Variants in GPHN observed in about 807,000 individuals in gnomAD.
GPHN encodes gephyrin.
In GPHN, 17 loss-of-function variants were observed where a neutral mutation model predicts 95.5. That is an observed-to-expected ratio of 0.18 (90% confidence interval 0.12 to 0.27). The LOEUF (loss-of-function observed/expected upper bound fraction) is 0.27, where lower values mean the gene tolerates loss of function less well. GPHN is among the 10% of genes least tolerant of loss of function. The pLI, the probability that GPHN is intolerant of heterozygous loss-of-function variation, is 1.00. For synonymous variants in GPHN, 320 were observed against 322.5 expected (o/e 0.99, Z 0.08); for missense variants, 660 against 978.1 (o/e 0.67, Z 4.34).
At chr14:67,602,393 G>T in the GPHN span, among the ~76,000 whole-genome samples, 1 of 152,196 alleles carries the variant, frequency 6.6e-6, no homozygotes, top group African/African-American at 2.4e-5. Flanking sequence ...TTTGACATGA[G>T]ATTTGGGTAG....
At chr14:67,159,392 G>T in intron 18 of GPHN, 23 bp from the exon 19 acceptor site, 1 of 1,367,394 alleles carries the variant, frequency 7.3e-7, no homozygotes, top group Non-Finnish European at 1.0e-6. Context: ...TGAAAGTAAA[G>T]TGATTATTTT....
chr14:67,238,269 C>CTTTTTTT, the GPHN span, among the ~76,000 whole-genome samples: 61 of 125,226 alleles, frequency 4.9e-4, 1 homozygote, highest in African/African-American at 1.6e-3. Flanking sequence ...TTCTTGCTTT[C>CTTTTTTT]TTTTTTTTTT....
the GPHN span, among the ~76,000 whole-genome samples, chr14:67,396,795 G>A: frequency 6.6e-6 from 1 of 152,238 alleles, no homozygotes; most frequent in Non-Finnish European, 1.5e-5. Flanking sequence ...TCATTGGAAT[G>A]CCAAATATTT....
chr14:67,586,403 G>A, the GPHN span: 9 of 1,349,010 alleles, frequency 6.7e-6, no homozygotes, highest in Middle Eastern at 4.0e-4. Flanking sequence ...GGGTGCTTAC[G>A]TGCTCTTCTC....
At chr14:67,153,865 A>G (rs547900760) in intron 18 of GPHN, among the ~76,000 whole-genome samples, 9 of 152,278 alleles carry the variant, frequency 5.9e-5, no homozygotes, top group Admixed American at 2.0e-4. Context: ...TTCAATAGGT[A>G]AACAAAAATA....
rs186939823 is a variant in GPHN, at chr14:66,967,660, A to G, written c.963+2335A>G. On this transcript the variant is annotated intron_variant, in intron 9 of 22. Coordinates refer to ENST00000478722, the MANE Select transcript of GPHN (RefSeq NM_020806.5). ...AAAGTCTCAGATTTCAGATTTTCAG[A>G]TAGGGATGCTCAACATGTAAAATAA... Among the ~76,000 whole-genome samples the G allele has an allele frequency of 1.6e-3, 237 of 152,080 alleles. 1 individual carries two copies. The highest frequency in any genetic ancestry group is 2.4e-3 in the Non-Finnish European group (166 of 67,860).
At chr14:66,777,683 A>G (rs2059434798) in intron 3 of GPHN, among the ~76,000 whole-genome samples, 1 of 152,222 alleles carries the variant, frequency 6.6e-6, no homozygotes, top group South Asian at 2.1e-4. Context: ...GCAAATCAAT[A>G]AATGTAATCC....
intron 1 of GPHN, among the ~76,000 whole-genome samples, chr14:66,576,491 T>G (rs1184889481): frequency 3.3e-5 from 5 of 151,924 alleles, no homozygotes; most frequent in Admixed American, 3.3e-4. Context: ...GTACTTTTTT[T>G]TTTAAATCTT....
At chr14:66,546,099 C>T (rs1444483598) in intron 1 of GPHN, among the ~76,000 whole-genome samples, 1 of 149,904 alleles carries the variant, frequency 6.7e-6, no homozygotes, top group Non-Finnish European at 1.5e-5. Context: ...GACGGGGCGG[C>T]GGGGCAGAGG....
At chr14:66,631,406 C>A (rs2153340297) in intron 1 of GPHN, among the ~76,000 whole-genome samples, 1 of 152,250 alleles carries the variant, frequency 6.6e-6, no homozygotes, top group African/African-American at 2.4e-5. Context: ...ATTTATTATT[C>A]TTGAGTTTCC....
At chr14:67,674,235 G>C in the GPHN span, 2 of 716,168 alleles carry the variant, frequency 2.8e-6, no homozygotes, top group Non-Finnish European at 4.3e-6. Flanking sequence ...CCTGGGGCTG[G>C]GACAAGCCAG....
At chr14:66,564,753 G>C (rs1041037314) in intron 1 of GPHN, among the ~76,000 whole-genome samples, 1 of 152,142 alleles carries the variant, frequency 6.6e-6, no homozygotes, top group Non-Finnish European at 1.5e-5. Context: ...GTGTGTGTGC[G>C]TGTGCATGCA....
At chr14:67,130,211 C>T (rs1408592770) in intron 17 of GPHN, among the ~76,000 whole-genome samples, 1 of 152,142 alleles carries the variant, frequency 6.6e-6, no homozygotes, top group Non-Finnish European at 1.5e-5. Flanking sequence ...ATGATCACGT[C>T]ACCCAGGTAG....
chr14:67,392,193 C>A, the GPHN span: 1 of 673,916 alleles, frequency 1.5e-6, no homozygotes, highest in Non-Finnish European at 2.7e-6. Flanking sequence ...TGGTGCTGGG[C>A]TCTTGCTTTC....
chr14:67,556,006 C>T, the GPHN span: 2 of 1,312,336 alleles, frequency 1.5e-6, no homozygotes, highest in Non-Finnish European at 2.1e-6. Flanking sequence ...TATACCTGAA[C>T]AAATGAGTGT....
chr14:66,577,004 G>A (rs1194921379), intron 1 of GPHN, among the ~76,000 whole-genome samples: 2 of 152,064 alleles, frequency 1.3e-5, no homozygotes, highest in African/African-American at 4.8e-5. Context: ...CTTTTGATAA[G>A]CAGTTGGACA....
chr14:66,517,635 C>T (rs1284596784), intron 1 of GPHN, among the ~76,000 whole-genome samples: 1 of 152,146 alleles, frequency 6.6e-6, no homozygotes, highest in Non-Finnish European at 1.5e-5. Context: ...AGAAATTAAT[C>T]CTCATATCTA....
intron 1 of GPHN, among the ~76,000 whole-genome samples, chr14:66,621,697 C>G (rs2063311724): frequency 6.6e-6 from 1 of 152,232 alleles, no homozygotes; most frequent in Admixed American, 6.5e-5. Context: ...GCTGGGATTA[C>G]AGGCGTGAGC....
At chr14:67,261,562 AAC>A in the GPHN span, among the ~76,000 whole-genome samples, 2 of 152,288 alleles carry the variant, frequency 1.3e-5, no homozygotes, top group East Asian at 3.9e-4. Context: ...TATTATTAAA[AAC>A]AGTTTGTCAA....
Sources: gnomAD v4.1 joint callset for allele counts (sites outside exome capture counted in the v4.1 genomes callset) on GRCh38, gnomAD v4.1.1 for gene constraint, MANE v1.5 for transcripts, NCBI Gene and HGNC (gene_info 2026-07-23, HGNC 2026-07-21) for gene names.